ASPM: variants seen among roughly 807,000 people sequenced by gnomAD.
The protein encoded by ASPM is assembly factor for spindle microtubules, also known as abnormal spindle-like microcephaly-associated protein.
Under a neutral mutation model 366.4 loss-of-function variants are expected in ASPM, and 256 were observed. The observed-to-expected ratio is 0.70, with a 90% CI of 0.63 to 0.77. ASPM has a LOEUF of 0.77. Among genes scored for constraint, ASPM ranks in the 30% least tolerant of loss-of-function variants. The probability of loss-of-function intolerance (pLI) is 0.00; values close to 1 mark genes in which losing one functional copy is unlikely to be tolerated. For synonymous variants in ASPM, 1,414 were observed against 1,342.9 expected (o/e 1.05, Z -1.16); for missense variants, 4,146 against 4,090.4 (o/e 1.01, Z -0.37).
intron 17 of ASPM, among the ~76,000 whole-genome samples, chr1:197,113,891 A>C (rs922252819): frequency 6.6e-6 from 1 of 152,224 alleles, no homozygotes; most frequent in African/African-American, 2.4e-5. Flanking sequence ...ACTACTCTGA[A>C]TACTACTACA....
Position 197,101,760 on chromosome 1 carries a change from A to C in ASPM, c.7491T>G (p.Tyr2497Ter). Residue 2497 changes from tyrosine (Y) to a stop codon, truncating the protein, a stop_gained, in exon 18 of 28, where the codon TAT becomes TAG. Coordinates refer to ENST00000367409, the MANE Select transcript of ASPM (RefSeq NM_018136.5). LOFTEE classifies it high-confidence loss of function. ...CATGTTTCCAAGTCTGAAATGTAAT[A>C]TATGTTCTGTACATCCTGAAAGTAG... ...IQATFRMYRT[Y>*]ITFQTWKHAS... The C allele has an allele frequency of 6.2e-7, 1 of 1,612,492 alleles. No individual in the cohort carries two copies.
rs1244762447 is a variant in ASPM at position 197,104,393 on chromosome 1, T to C, written c.4858A>G (p.Ile1620Val). ...VIIQTHFRAY[I>V]FAMKVLASYQ... ...GATGCTAGAACTTTCATGGCAAAAA[T>C]ATAAGCTCGGAAATGAGTCTGAATT... is the stretch of plus-strand genomic sequence containing the variant. Residue 1620 changes from isoleucine (I) to valine (V), a missense_variant, in exon 18 of 28, where the codon ATT (isoleucine) becomes GTT (valine). By Grantham distance (29) the Ile-to-Val change is conservative. This residue lies in a region of ASPM where 3,624 missense variants were observed against 3,591.7 expected (regional missense o/e 1.01). Coordinates refer to ENST00000367409, the MANE Select transcript of ASPM (RefSeq NM_018136.5). The C allele has an allele frequency of 1.2e-6, 2 of 1,613,106 alleles. No homozygotes were observed. Among genetic ancestry groups the C allele is most frequent in the East Asian group, 2.2e-5 (1 of 44,816 alleles).
intron 4 of ASPM, 106 bp from the exon 5 acceptor site, chr1:197,135,348 C>A: frequency 8.7e-7 from 1 of 1,153,954 alleles, no homozygotes; most frequent in Non-Finnish European, 1.3e-6. Context: ...AAACACTGAA[C>A]AATATTTGCT....
chr1:197,139,722 T>A (rs972295356), intron 4 of ASPM, 45 bp downstream of exon 4: 4 of 1,377,854 alleles, frequency 2.9e-6, no homozygotes, highest in African/African-American at 1.4e-5. Flanking sequence ...TAATGCTTCA[T>A]TCGATGTCAT....
At position 197,133,594 on chromosome 1, in the gene ASPM, T is replaced by C. The variant is rs758909530; in HGVS notation, c.2175A>G (p.Val725=). 1 of 1,612,730 alleles carries C rather than the reference T, an allele frequency of 6.2e-7. No individual in the cohort carries two copies. Among genetic ancestry groups the C allele is most frequent in the African/African-American group, 1.3e-5 (1 of 75,032 alleles). ...TTCCCAAAAGAAGAGTAGCAGCATT[T>C]ACTGGGTAAAAACAAAAGAAAGAAT... ...DFTVKTNISE[V]NAATLLLGIE... Residue 725 remains valine (V), a splice_region_variant and synonymous_variant, in exon 6 of 28, where the codon GTA becomes GTG. Coordinates refer to ENST00000367409, the MANE Select transcript of ASPM (RefSeq NM_018136.5).
intron 19 of ASPM, among the ~76,000 whole-genome samples, chr1:197,095,728 C>T (rs1380787349): frequency 2.7e-5 from 4 of 150,444 alleles, no homozygotes; most frequent in South Asian, 4.2e-4. Flanking sequence ...CGTCTCTGTC[C>T]TTACTCTAAT....
chr1:197,143,921 T>G, intron 2 of ASPM, 36 bp downstream of exon 2: 1 of 1,574,522 alleles, frequency 6.4e-7, no homozygotes, highest in South Asian at 1.1e-5. Flanking sequence ...ATTAAACAAT[T>G]TCTTAGAGTA....
At chr1:197,107,625 A>AGG (rs1467939751) in intron 17 of ASPM, among the ~76,000 whole-genome samples, 1 of 151,984 alleles carries the variant, frequency 6.6e-6, no homozygotes, top group Non-Finnish European at 1.5e-5. Flanking sequence ...AATTGGAATT[A>AGG]ACTGACAACG....
chr1:197,133,404 T>C lies in ASPM; in HGVS notation c.2365A>G (p.Ile789Val), dbSNP rs755203240. The change falls in exon 6 of 28, where the codon ATT (isoleucine) becomes GTT (valine). Residue 789 changes from isoleucine (I) to valine (V), a missense_variant. Around this residue, in one of 3 missense-constraint regions of ASPM, gnomAD observed 3,624 missense variants for 3,591.7 expected, o/e 1.01. Coordinates refer to ENST00000367409, the MANE Select transcript of ASPM (RefSeq NM_018136.5). ...VKAIKKLEIEIEARRLIVRKD... is the reference protein window; with the variant it reads ...VKAIKKLEIEVEARRLIVRKD... ...CGAACAATTAACCGCCTAGCTTCAA[T>C]TTCAATTTCAAGCTTTTTAATAGCT... The C allele has an allele frequency of 8.5e-5, 137 of 1,613,908 alleles. No individual in the cohort carries two copies. The highest frequency in any genetic ancestry group is 5.8e-4 in the Admixed American group (35 of 59,986).
In ASPM at chr1:197,143,031, A is replaced by C. The variant is rs770235759; in HGVS notation, c.1221T>G (p.Ser407=). The C allele has an allele frequency of 6.2e-7, 1 of 1,613,110 alleles. No individual in the cohort carries two copies. Among genetic ancestry groups the C allele is most frequent in the Non-Finnish European group, 8.5e-7 (1 of 1,179,174 alleles). Reference sequence around the variant, plus strand: ...ATAATGGTACTTTACATGTTTGCTGAGATGTACACATATATGCCATGTTAT... The same window carrying C: ...ATAATGGTACTTTACATGTTTGCTGCGATGTACACATATATGCCATGTTAT... ...LKDNMAYMCT[S]QQTCKVPLSN... is the part of the protein sequence containing the mutation. The change falls in exon 3 of 28, where the codon TCT becomes TCG. Residue 407 remains serine (S), a synonymous_variant. Coordinates refer to ENST00000367409, the MANE Select transcript of ASPM (RefSeq NM_018136.5).
rs41304245 is a variant in ASPM at position 197,142,318 on chromosome 1, A to T, written c.1921+13T>A. 1.9e-6 allele frequency: 3 copies of T among 1,612,454 alleles called. No homozygotes were observed. The East Asian group carries it at 6.7e-5, about 36-fold the overall frequency. ...ACAGGTATACTTCAGTAGATTTTAT[A>T]AACAAGACTCACCAGTTTTCTTCTT... is the stretch of plus-strand genomic sequence containing the variant. On this transcript the variant is annotated intron_variant, in intron 3 of 27. Coordinates refer to ENST00000367409, the MANE Select transcript of ASPM (RefSeq NM_018136.5).
Position 197,146,411 on chromosome 1 carries a change from G to C in ASPM, c.27C>G (p.Gly9=), listed in dbSNP as rs1458939408. MANRRVGR[G]CWEVSPTERR... Reference sequence around the variant, plus strand: ...GCTCGGTCGGGCTCACTTCCCAGCAGCCTCGCCCCACTCGCCGGTTCGCCA... The same window carrying C: ...GCTCGGTCGGGCTCACTTCCCAGCACCCTCGCCCCACTCGCCGGTTCGCCA... Residue 9 remains glycine, a synonymous_variant, in exon 1 of 28, where the codon GGC becomes GGG. Coordinates refer to ENST00000367409, the MANE Select transcript of ASPM (RefSeq NM_018136.5). 3 of 1,609,192 alleles carry C rather than the reference G, an allele frequency of 1.9e-6. No homozygotes were observed. The highest frequency in any genetic ancestry group is 2.5e-6 in the Non-Finnish European group (3 of 1,179,508).
chr1:197,131,617 C>T (rs924802386), intron 7 of ASPM, among the ~76,000 whole-genome samples: 1 of 149,004 alleles, frequency 6.7e-6, no homozygotes, highest in Admixed American at 6.8e-5. Flanking sequence ...GGAGTGCAGT[C>T]GTGCGATCTC....
At chr1:197,118,416 G>A (rs1657804143) in intron 16 of ASPM, among the ~76,000 whole-genome samples, 1 of 152,044 alleles carries the variant, frequency 6.6e-6, no homozygotes, top group South Asian at 2.1e-4. Context: ...CACTAAAGGG[G>A]AGAAACAAAA....
intron 18 of ASPM, among the ~76,000 whole-genome samples, chr1:197,099,733 T>G (rs1033709229): frequency 6.6e-6 from 1 of 151,766 alleles, no homozygotes; most frequent in African/African-American, 2.4e-5. Context: ...ATTTCTAAAT[T>G]TAACAGTAAT....
At chr1:197,123,682 A>C (rs1443346298) in intron 13 of ASPM, among the ~76,000 whole-genome samples, 1 of 152,168 alleles carries the variant, frequency 6.6e-6, no homozygotes, top group Non-Finnish European at 1.5e-5. Flanking sequence ...TTACACTAAG[A>C]AGTATACTTC....
rs531782791 is a variant in ASPM at position 197,102,424 on chromosome 1, A to G, written c.6827T>C (p.Leu2276Pro). 2 of 1,612,674 alleles carry G rather than the reference A, an allele frequency of 1.2e-6. No homozygotes were observed. The highest frequency in any genetic ancestry group is 2.2e-5 in the East Asian group (1 of 44,820). Reference sequence around the variant, plus strand: ...AGAGAGGAATCTTCTTCTCATCATTAGAGTTCTAAATCTCCTCTGAATGAG... The same window carrying G: ...AGAGAGGAATCTTCTTCTCATCATTGGAGTTCTAAATCTCCTCTGAATGAG... ...ATLIQRRFRTLMMRRRFLSLK... is the reference protein window; with the variant it reads ...ATLIQRRFRTPMMRRRFLSLK... Residue 2276 changes from leucine to proline, a missense_variant, in exon 18 of 28, where the codon CTA becomes CCA. This residue lies in a region of ASPM where 3,624 missense variants were observed against 3,591.7 expected (regional missense o/e 1.01). Coordinates refer to ENST00000367409, the MANE Select transcript of ASPM (RefSeq NM_018136.5).
In ASPM at chr1:197,146,393, C is replaced by A. The variant is rs1358881414; in HGVS notation, c.45G>T (p.Pro15=). The change falls in exon 1 of 28, where the codon CCG becomes CCT. Residue 15 remains proline (P), a synonymous_variant. Transcript: ENST00000367409. ...RVGRGCWEVS[P]TERRPPAGLR... Reference sequence around the variant, plus strand: ...GCCCCGCGGGCGGCCTCCGCTCGGTCGGGCTCACTTCCCAGCAGCCTCGCC... The same window carrying A: ...GCCCCGCGGGCGGCCTCCGCTCGGTAGGGCTCACTTCCCAGCAGCCTCGCC... The A allele has an allele frequency of 6.2e-7, 1 of 1,609,964 alleles. No individual in the cohort carries two copies.
chr1:197,103,652 T>A lies in ASPM; in HGVS notation c.5599A>T (p.Thr1867Ser). The part of the protein sequence containing the change: ...WYRAYKTLHD[T>S]RTHFLKTKAA... ...TTTGTCTTCAAAAAATGTGTTCTTG[T>A]ATCATGAAGAGTCTTGTACGCCCTG... Residue 1867 changes from threonine to serine, a missense_variant, in exon 18 of 28, where the codon ACA becomes TCA. Coordinates refer to ENST00000367409, the MANE Select transcript of ASPM (RefSeq NM_018136.5). 1 of 1,612,938 alleles carries A rather than the reference T, an allele frequency of 6.2e-7. No homozygotes were observed. The highest frequency in any genetic ancestry group is 8.5e-7 in the Non-Finnish European group (1 of 1,179,410).
Sources: allele counts gnomAD v4.1 joint callset (sites outside exome capture counted in the v4.1 genomes callset), GRCh38; gene constraint gnomAD v4.1.1; regional missense constraint gnomAD v4.1.1; transcripts MANE v1.5; gene names NCBI Gene and HGNC (gene_info 2026-07-23, HGNC 2026-07-21).